FMNL3: variants seen among roughly 807,000 people sequenced by gnomAD.
FMNL3 encodes the protein formin-like protein 3.
In FMNL3, 57 loss-of-function variants were observed where a neutral mutation model predicts 119.6. That is an observed-to-expected ratio of 0.48 (90% CI 0.39 to 0.59). The LOEUF (loss-of-function observed/expected upper bound fraction) is 0.59, where lower values mean the gene tolerates loss of function less well. Ranked by LOEUF, FMNL3 falls within the 20% of genes least tolerant of loss-of-function variation. The pLI is 0.00. For synonymous variants in FMNL3, 491 were observed against 507.3 expected (o/e 0.97, Z 0.43); for missense variants, 1,053 against 1,323.5 (o/e 0.80, Z 3.17).
chr12:49,676,054 G>A (rs1232451927), intron 1 of FMNL3, among the ~76,000 whole-genome samples: 2 of 152,136 alleles, frequency 1.3e-5, no homozygotes, highest in African/African-American at 4.8e-5. Context: ...AAATCCAGTA[G>A]CTCTATGACT....
intron 1 of FMNL3, among the ~76,000 whole-genome samples, chr12:49,684,494 G>C (rs1463359688): frequency 2.6e-5 from 4 of 152,220 alleles, no homozygotes; most frequent in African/African-American, 4.8e-5. Flanking sequence ...AATCAACTGA[G>C]AAGCCAAATT....
Position 49,643,890 on chromosome 12 carries a change from G to A in FMNL3, c.*1925C>T. On this transcript the variant is annotated 3_prime_UTR_variant, in exon 26 of 26. Coordinates refer to ENST00000335154, the MANE Select transcript of FMNL3 (RefSeq NM_175736.5). ...GTCCTGAGAGTGAGACAGACCCTGA[G>A]GAGAAAGCTGGCAAGGAGAGCGATG... The A allele has an allele frequency of 1.2e-6, 2 of 1,614,192 alleles. No homozygotes were observed. Among genetic ancestry groups the A allele is most frequent in the Non-Finnish European group, 1.7e-6 (2 of 1,180,030 alleles).
intron 6 of FMNL3, among the ~76,000 whole-genome samples, chr12:49,657,987 G>A (rs1469738564): frequency 6.6e-6 from 1 of 152,182 alleles, no homozygotes; most frequent in African/African-American, 2.4e-5. Context: ...AAGAGGTGAA[G>A]GGAATGCAAG....
At chr12:49,665,759 G>A (rs1469841468) in intron 4 of FMNL3, 73 bp downstream of exon 4, 43 of 1,470,144 alleles carry the variant, frequency 2.9e-5, no homozygotes, top group South Asian at 2.8e-4. Context: ...CATCCTCAGA[G>A]GACACCAGAC....
At chr12:49,662,093 G>A (rs1393786067) in intron 4 of FMNL3, 44 bp from the exon 5 acceptor site, 2 of 1,589,340 alleles carry the variant, frequency 1.3e-6, no homozygotes, top group Admixed American at 1.7e-5. Context: ...GCTAAAAGTG[G>A]GTCAAGGATG....
chr12:49,654,159 C>A lies in FMNL3; in HGVS notation c.1071+33G>T, dbSNP rs149379967. ...TGATACGGCTAAACTGATCCCAAAG[C>A]ACCTCACCTTACAAGGACCCCAGCC... On this transcript the variant is annotated intron_variant, in intron 11 of 25. Transcript: ENST00000335154. 98 of 1,580,016 alleles carry A rather than the reference C, an allele frequency of 6.2e-5. No individual in the cohort carries two copies. The East Asian group carries it at 2.2e-3, about 35-fold the overall frequency.
At position 49,692,189 on chromosome 12, in the gene FMNL3, C is replaced by G. The variant is rs572002992; in HGVS notation, c.126+14866G>C. ...GCAACATAGCAAGACCCTGTCTATT[C>G]AAAAAATACAAAAATTAGCCAGGCA... On this transcript the variant is annotated intron_variant, in intron 1 of 25. Coordinates refer to ENST00000335154, the MANE Select transcript of FMNL3 (RefSeq NM_175736.5). Among the ~76,000 whole-genome samples, 6 of 151,756 alleles carry G rather than the reference C, an allele frequency of 4.0e-5. No individual in the cohort carries two copies. The South Asian group carries it at 1.0e-3, about 26-fold the overall frequency.
intron 21 of FMNL3, 130 bp from the exon 22 acceptor site, chr12:49,648,483 T>C: frequency 2.1e-6 from 2 of 949,514 alleles, no homozygotes; most frequent in Non-Finnish European, 3.0e-6. Context: ...TGTATGGACA[T>C]AAGGAAGTAC....
chr12:49,641,824 ACCAT>A lies in FMNL3; in HGVS notation c.*3987_*3990del, dbSNP rs1442667790. The A allele has an allele frequency of 4.4e-6, 5 of 1,137,152 alleles. No homozygotes were observed. Among genetic ancestry groups the A allele is most frequent in the Admixed American group, 1.7e-5 (1 of 57,400 alleles). 70.4% of individuals were successfully genotyped at this position (1,137,152 alleles called of 1,614,324 possible). On this transcript the variant is annotated 3_prime_UTR_variant, in exon 26 of 26. Transcript: ENST00000335154. ...TCTTCCAGAGGCAAGGGCCTTCTTGACCATCTGTAATGTGACCACTCTGCCTGCC... is the reference window on the plus strand; with the variant it reads ...TCTTCCAGAGGCAAGGGCCTTCTTGACTGTAATGTGACCACTCTGCCTGCC...
rs566507589 is a variant in FMNL3 at position 49,650,222 on chromosome 12, C to T, written c.2001-297G>A. Among the ~76,000 whole-genome samples the T allele has an allele frequency of 7.2e-4, 109 of 152,246 alleles. 1 individual carries two copies. The highest frequency in any genetic ancestry group is 5.9e-4 in the Admixed American group (9 of 15,300). On this transcript the variant is annotated intron_variant, in intron 17 of 25. Transcript: ENST00000335154. ...AGACTTCTGCCCAACTCTCTACCTT[C>T]TCCTGCTCCTCTCCCTACACTAAAG...
chr12:49,668,857 T>C (rs1943962214), intron 1 of FMNL3, among the ~76,000 whole-genome samples: 1 of 152,250 alleles, frequency 6.6e-6, no homozygotes, highest in South Asian at 2.1e-4. Flanking sequence ...GTATAAATAA[T>C]GTTTTGTGAA....
In FMNL3 at chr12:49,641,941, T is replaced by C; in HGVS notation, c.*3874A>G. The C allele has an allele frequency of 6.2e-7, 1 of 1,613,786 alleles. No individual in the cohort carries two copies. The highest frequency in any genetic ancestry group is 2.2e-5 in the East Asian group (1 of 44,880). ...CTTCTGCGTGGAGGTGAACACGGCC[T>C]TTGAGGACTTCGCCCACGTCATAAG... On this transcript the variant is annotated 3_prime_UTR_variant, in exon 26 of 26. Transcript: ENST00000335154.
chr12:49,647,833 C>T lies in FMNL3; in HGVS notation c.2677-29G>A. On this transcript the variant is annotated intron_variant, in intron 22 of 25. Transcript: ENST00000335154. This position sits in a 1 kb window ranked among gnomAD's most constrained non-coding sequence, Gnocchi z 4.9. ...GGGAAGGGGTGGGCAGAATGGGTCA[C>T]CCTGGCAGGAAGATCAGCCCAGCTC... 1 of 1,563,696 alleles carries T rather than the reference C, an allele frequency of 6.4e-7. No individual in the cohort carries two copies. The highest frequency in any genetic ancestry group is 1.1e-5 in the South Asian group (1 of 89,942).
intron 1 of FMNL3, among the ~76,000 whole-genome samples, chr12:49,671,913 C>T (rs1944056000): frequency 6.6e-6 from 1 of 152,172 alleles, no homozygotes; most frequent in Admixed American, 6.5e-5. Flanking sequence ...AGTCAGAGGG[C>T]CCAAGATCAA....
chr12:49,639,560 G>A lies in FMNL3; in HGVS notation c.*6255C>T, dbSNP rs541169662. 6.6e-6 allele frequency: 1 copy of A among 152,380 alleles called. No individual in the cohort carries two copies. The highest frequency in any genetic ancestry group is 2.1e-4 in the South Asian group (1 of 4,832). 9.4% of individuals were successfully genotyped at this position (152,380 alleles called of 1,614,324 possible). A position where few individuals can be genotyped will look rare whatever the true frequency, so the allele number is the denominator to read the frequency against. On this transcript the variant is annotated 3_prime_UTR_variant, in exon 26 of 26. Transcript: ENST00000335154. ...TATGTAGGTGCCTTGAGACAAGCAA[G>A]GGTTGGAGTTGAGTATGGGGGGATT...
In FMNL3 at chr12:49,673,889, T is replaced by C. The variant is rs551056936; in HGVS notation, c.127-5335A>G. 6.6e-5 allele frequency among the ~76,000 whole-genome samples: 10 copies of C among 152,260 alleles called. No homozygotes were observed. The East Asian group carries it at 1.9e-3, about 29-fold the overall frequency. The stretch of plus-strand genomic sequence containing the variant: ...TAACTCCCCTCAAAACTGCAATCCT[T>C]TGTAAAAGGGAATCAAAAAAAATCA... On this transcript the variant is annotated intron_variant, in intron 1 of 25. Transcript: ENST00000335154.
chr12:49,702,250 G>A (rs1466795650), intron 1 of FMNL3, among the ~76,000 whole-genome samples: 1 of 152,224 alleles, frequency 6.6e-6, no homozygotes, highest in Non-Finnish European at 1.5e-5. Context: ...CTGCAGTGAG[G>A]TGCAGTGAGC....
chr12:49,647,306 C>G lies in FMNL3; in HGVS notation c.2841G>C (p.Leu947=), dbSNP rs755944645. 12 of 1,613,930 alleles carry G rather than the reference C, an allele frequency of 7.4e-6. No individual in the cohort carries two copies. The highest frequency in any genetic ancestry group is 6.7e-5 in the Admixed American group (4 of 60,004). ...KQEEVMREKQ[L]AQEAKKLDAK... is the part of the protein sequence containing the mutation. ...CATCCAGTTTCTTGGCTTCCTGAGC[C>G]AGCTGCTTCTCCCGCATTACCTCCT... Residue 947 remains leucine (L), a synonymous_variant, in exon 24 of 26, where the codon CTG becomes CTC. Transcript: ENST00000335154. The surrounding 1 kb of genome is among the most constrained non-coding windows in gnomAD (Gnocchi z 4.9).
chr12:49,637,996 C>A lies in FMNL3; in HGVS notation c.*7819G>T. The A allele has an allele frequency of 1.7e-6, 1 of 597,574 alleles. No homozygotes were observed. The highest frequency in any genetic ancestry group is 3.0e-6 in the Non-Finnish European group (1 of 335,438). 37.0% of individuals were successfully genotyped at this position (597,574 alleles called of 1,614,324 possible). On this transcript the variant is annotated 3_prime_UTR_variant, in exon 26 of 26. Coordinates refer to ENST00000335154, the MANE Select transcript of FMNL3 (RefSeq NM_175736.5). Reference sequence around the variant, plus strand: ...TACAGTAATGAATACACAATTTCTACCACAGGAGCTCATGGTCTAATAGGA... The same window carrying A: ...TACAGTAATGAATACACAATTTCTAACACAGGAGCTCATGGTCTAATAGGA...
Sources: gnomAD v4.1 joint callset for allele counts (sites outside exome capture counted in the v4.1 genomes callset) on GRCh38, gnomAD v4.1.1 for gene constraint, Gnocchi (gnomAD v3.1) non-coding constraint, MANE v1.5 for transcripts, NCBI Gene and HGNC (gene_info 2026-07-23, HGNC 2026-07-21) for gene names.